The following NRXN3 variants were observed in gnomAD, a reference collection of about 807,000 sequenced individuals.
NRXN3 encodes the protein neurexin 3.
A neutral mutation model predicts 137.6 loss-of-function variants in NRXN3; 32 were observed. The ratio of observed to expected loss-of-function variants is 0.23; its 90% CI spans 0.18 to 0.31. The LOEUF is 0.31. Among genes scored for constraint, NRXN3 ranks in the 10% least tolerant of loss-of-function variants. The pLI, the probability that NRXN3 is intolerant of heterozygous loss-of-function variation, is 1.00. For missense variants in NRXN3, 1,574 were observed against 2,062.5 expected, an observed-to-expected ratio of 0.76 and a Z score of 4.59; for synonymous variants, 798 against 784.5, an observed-to-expected ratio of 1.02 and a Z score of -0.29.
At chr14:78,464,056 AT>A (rs10714733) in intron 4 of NRXN3, among the ~76,000 whole-genome samples, 121,545 of 125,126 alleles carry the variant, frequency 0.97, 59,026 homozygotes, top group Non-Finnish European at 0.98. Context: ...TAATTAATTA[AT>A]TTTTTTTTTT....
At chr14:79,051,879 T>G (rs1476424153) in intron 15 of NRXN3, among the ~76,000 whole-genome samples, 1 of 152,192 alleles carries the variant, frequency 6.6e-6, no homozygotes, top group African/African-American at 2.4e-5. Context: ...GATTTTCTTT[T>G]CCATCTCCCC....
At chr14:78,752,710 A>T (rs373791756) in intron 8 of NRXN3, among the ~76,000 whole-genome samples, 14 of 152,212 alleles carry the variant, frequency 9.2e-5, no homozygotes, top group East Asian at 5.8e-4. Flanking sequence ...AGGCCCAGGG[A>T]TAGGAAGAGC....
intron 10 of NRXN3, among the ~76,000 whole-genome samples, chr14:78,873,075 G>A (rs1216071991): frequency 2.0e-5 from 3 of 152,132 alleles, no homozygotes; most frequent in Admixed American, 6.5e-5. Context: ...TGCTGGCTCT[G>A]CCTTCAGAAA....
chr14:78,899,265 C>T (rs981403880), intron 10 of NRXN3, among the ~76,000 whole-genome samples: 1 of 151,926 alleles, frequency 6.6e-6, no homozygotes, highest in African/African-American at 2.4e-5. Flanking sequence ...GGTTTGCCCT[C>T]CCCCAAAAAT....
At chr14:78,208,129 G>T (rs1279989270) in intron 1 of NRXN3, among the ~76,000 whole-genome samples, 1 of 152,144 alleles carries the variant, frequency 6.6e-6, no homozygotes, top group African/African-American at 2.4e-5. Context: ...AATTTGTAGG[G>T]TGTTAGAAGG....
intron 15 of NRXN3, among the ~76,000 whole-genome samples, chr14:79,013,351 A>C (rs1376627483): frequency 6.6e-6 from 1 of 152,190 alleles, no homozygotes; most frequent in African/African-American, 2.4e-5. Flanking sequence ...GAGTGGCAAG[A>C]TTTAAAGCAG....
At chr14:78,590,024 T>C (rs1302853387) in intron 4 of NRXN3, among the ~76,000 whole-genome samples, 1 of 152,110 alleles carries the variant, frequency 6.6e-6, no homozygotes, top group East Asian at 1.9e-4. Context: ...CTGCCAAGTG[T>C]CTCATCCAAA....
chr14:78,587,844 G>GT (rs542012290), intron 4 of NRXN3, among the ~76,000 whole-genome samples: 46 of 152,116 alleles, frequency 3.0e-4, no homozygotes, highest in African/African-American at 7.7e-4. Context: ...TTGTTTACCA[G>GT]TTTTTTTCAG....
At chr14:78,888,355 A>G (rs1295081172) in intron 10 of NRXN3, among the ~76,000 whole-genome samples, 4 of 151,408 alleles carry the variant, frequency 2.6e-5, no homozygotes, top group Non-Finnish European at 5.9e-5. Context: ...ATCCAGAATG[A>G]GTTTGGGGAG....
intron 4 of NRXN3, among the ~76,000 whole-genome samples, chr14:78,629,115 G>A (rs183809012): frequency 6.6e-6 from 1 of 152,252 alleles, no homozygotes; most frequent in East Asian, 1.9e-4. Context: ...ATGGTAGCTG[G>A]CATCATCACT....
chr14:79,043,299 G>A (rs1166672607), intron 15 of NRXN3, among the ~76,000 whole-genome samples: 1 of 152,114 alleles, frequency 6.6e-6, no homozygotes, highest in Non-Finnish European at 1.5e-5. Flanking sequence ...ACAAAAGTCT[G>A]TTTTAGATAC....
chr14:79,230,355 G>T lies in NRXN3; in HGVS notation c.3263-236866G>T, dbSNP rs139839502. Among the ~76,000 whole-genome samples the T allele has an allele frequency of 2.8e-3, 419 of 152,220 alleles. 5 individuals carry two copies. Among genetic ancestry groups the T allele is most frequent in the African/African-American group, 8.8e-3 (364 of 41,552 alleles). ...GGTGGTCCCTGCCTGTGTCTTTAAAGTGACAAGGGTTGCCTAGCCTGAAGA... is the reference window on the plus strand; with the variant it reads ...GGTGGTCCCTGCCTGTGTCTTTAAATTGACAAGGGTTGCCTAGCCTGAAGA... On this transcript the variant is annotated intron_variant, in intron 15 of 20. Transcript: ENST00000335750.
At chr14:78,689,195 G>T (rs559340859) in intron 6 of NRXN3, among the ~76,000 whole-genome samples, 141 of 152,108 alleles carry the variant, frequency 9.3e-4, no homozygotes, top group Admixed American at 2.3e-3. Context: ...TAAAAGTATA[G>T]TTAGTGCCAT....
At chr14:78,840,780 C>T (rs1320823243) in intron 10 of NRXN3, among the ~76,000 whole-genome samples, 7 of 152,020 alleles carry the variant, frequency 4.6e-5, no homozygotes, top group Non-Finnish European at 7.4e-5. Flanking sequence ...ATGCATCACT[C>T]GAAGAGAATT....
chr14:79,147,530 G>T (rs12884914), intron 15 of NRXN3, among the ~76,000 whole-genome samples: 14 of 151,850 alleles, frequency 9.2e-5, no homozygotes, highest in Non-Finnish European at 1.9e-4. Context: ...CTATACTTGA[G>T]GAACCTAGTT....
At position 79,450,509 on chromosome 14, in the gene NRXN3, T is replaced by C. The variant is rs376732189; in HGVS notation, c.3263-16712T>C. 8.5e-5 allele frequency among the ~76,000 whole-genome samples: 13 copies of C among 152,142 alleles called. 1 individual carries two copies. In the East Asian group the frequency reaches 1.3e-3, roughly 16 times the overall value. On this transcript the variant is annotated intron_variant, in intron 15 of 20. Transcript: ENST00000335750. ...TTGATTTACATCATTCCACATAGTT[T>C]ACATATATCATAACATCACATTGTA...
chr14:79,323,625 C>T (rs146399352), intron 15 of NRXN3, among the ~76,000 whole-genome samples: 53 of 151,608 alleles, frequency 3.5e-4, no homozygotes, highest in African/African-American at 1.2e-3. Context: ...TTTGGGAGGC[C>T]GAGGCAGGCA....
At chr14:78,853,986 G>A (rs1354181804) in intron 10 of NRXN3, among the ~76,000 whole-genome samples, 1 of 152,212 alleles carries the variant, frequency 6.6e-6, no homozygotes, top group African/African-American at 2.4e-5. Flanking sequence ...GTGGGTAAGA[G>A]AGGTATTTGC....
At chr14:79,057,041 TGTGA>T (rs113386251) in intron 15 of NRXN3, among the ~76,000 whole-genome samples, 9,427 of 152,300 alleles carry the variant, frequency 0.062, 877 homozygotes, top group African/African-American at 0.2. Flanking sequence ...TTGTTGAAGC[TGTGA>T]GTAAGACTGA....
Sources: gnomAD v4.1 joint callset for allele counts (sites outside exome capture counted in the v4.1 genomes callset) on GRCh38, gnomAD v4.1.1 for gene constraint, MANE v1.5 for transcripts, NCBI Gene and HGNC (gene_info 2026-07-23, HGNC 2026-07-21) for gene names.